PCDHGA8: variants seen among roughly 807,000 people sequenced by gnomAD.
PCDHGA8 encodes the protein protocadherin gamma-A8.
In PCDHGA8, 45 loss-of-function variants were observed where a neutral mutation model predicts 59.2. That is an observed-to-expected ratio of 0.76 (90% CI 0.60 to 0.98). The LOEUF (loss-of-function observed/expected upper bound fraction) is 0.98. Among genes scored for constraint, PCDHGA8 ranks in the 50% least tolerant of loss-of-function variants. The pLI is 0.00. For synonymous variants in PCDHGA8, 531 were observed against 519.0 expected, an observed-to-expected ratio of 1.02 and a Z score of -0.32; for missense variants, 1,257 against 1,196.2, an observed-to-expected ratio of 1.05 and a Z score of -0.75.
intron 1 of PCDHGA8, among the ~76,000 whole-genome samples, chr5:141,434,902 C>T (rs1591355042): frequency 6.6e-6 from 1 of 151,934 alleles, no homozygotes; most frequent in East Asian, 1.9e-4. Flanking sequence ...CCCCTTCCCT[C>T]ATACCTTATT....
intron 1 of PCDHGA8, chr5:141,423,905 G>T: frequency 7.9e-7 from 1 of 1,273,594 alleles, no homozygotes; most frequent in Non-Finnish European, 9.9e-7. Flanking sequence ...GATTTCAAAG[G>T]GGCCATTCAA....
rs756361613 is a variant in PCDHGA8 at position 141,392,855 on chromosome 5, C to G, written c.42C>G (p.Ile14Met). 3.1e-6 allele frequency: 5 copies of G among 1,612,176 alleles called. No individual in the cohort carries two copies. The highest frequency in any genetic ancestry group is 3.3e-4 in the Middle Eastern group (2 of 6,050). Reference sequence around the variant, plus strand: ...GTCGCCCCAGACGCGGCGAGCTGATCCTGCTGTGCGCGCTGCTGGGAACGC... The same window carrying G: ...GTCGCCCCAGACGCGGCGAGCTGATGCTGCTGTGCGCGCTGCTGGGAACGC... ...PQSRPRRGEL[I>M]LLCALLGTLW... is the part of the protein sequence containing the mutation. The change falls in exon 1 of 4, where the codon ATC becomes ATG. Residue 14 changes from isoleucine (I) to methionine (M), a missense_variant. Coordinates refer to ENST00000398604, the MANE Select transcript of PCDHGA8 (RefSeq NM_032088.2).
At chr5:141,469,770 A>G (rs1003620088) in intron 1 of PCDHGA8, among the ~76,000 whole-genome samples, 4 of 152,234 alleles carry the variant, frequency 2.6e-5, no homozygotes, top group Non-Finnish European at 5.9e-5. Flanking sequence ...ATACCAGCTT[A>G]TTTATTACAG....
At chr5:141,422,907 G>A in intron 1 of PCDHGA8, 1 of 1,614,196 alleles carries the variant, frequency 6.2e-7, no homozygotes, top group Non-Finnish European at 8.5e-7. Context: ...ACGACAATGC[G>A]CCCGAGATCC....
chr5:141,414,280 G>C, intron 1 of PCDHGA8: 5 of 1,613,604 alleles, frequency 3.1e-6, no homozygotes, highest in Non-Finnish European at 4.2e-6. Context: ...TCTGGGAACA[G>C]TCGTAGCCCT....
rs549829392 is a variant in PCDHGA8 at position 141,403,606 on chromosome 5, C to T, written c.2424+8369C>T. The T allele has an allele frequency of 3.1e-5, 50 of 1,613,710 alleles. No homozygotes were observed. The East Asian group carries it at 8.5e-4, about 27-fold the overall frequency. Reference sequence around the variant, plus strand: ...TGGTCCTCACGGCCTCGGATGGCGGCGAGCCGCGTCGCTCCAGCACAGTGC... The same window carrying T: ...TGGTCCTCACGGCCTCGGATGGCGGTGAGCCGCGTCGCTCCAGCACAGTGC... On this transcript the variant is annotated intron_variant, in intron 1 of 3. Coordinates refer to ENST00000398604, the MANE Select transcript of PCDHGA8 (RefSeq NM_032088.2).
chr5:141,454,546 A>G (rs1342532359), intron 1 of PCDHGA8, among the ~76,000 whole-genome samples: 1 of 152,098 alleles, frequency 6.6e-6, no homozygotes, highest in African/African-American at 2.4e-5. Flanking sequence ...AGCTGAGATT[A>G]CAGGCATGTG....
At chr5:141,412,216 T>C (rs1247540521) in intron 1 of PCDHGA8, 1 of 152,244 alleles carries the variant, frequency 6.6e-6, no homozygotes, top group East Asian at 1.9e-4. Context: ...ACATAAACAC[T>C]TACTTGTTAA....
Position 141,392,879 on chromosome 5 carries a change from G to T in PCDHGA8, c.66G>T (p.Thr22=). Reference sequence around the variant, plus strand: ...TCCTGCTGTGCGCGCTGCTGGGAACGCTGTGGGAAATCGGGAGGGGACAGA... The same window carrying T: ...TCCTGCTGTGCGCGCTGCTGGGAACTCTGTGGGAAATCGGGAGGGGACAGA... ...ELILLCALLG[T]LWEIGRGQIR... The change falls in exon 1 of 4, where the codon ACG becomes ACT. Residue 22 remains threonine, a synonymous_variant. Coordinates refer to ENST00000398604, the MANE Select transcript of PCDHGA8 (RefSeq NM_032088.2). 1.2e-6 allele frequency: 2 copies of T among 1,613,512 alleles called. No individual in the cohort carries two copies. Among genetic ancestry groups the T allele is most frequent in the East Asian group, 2.2e-5 (1 of 44,862 alleles).
chr5:141,414,990 C>A (rs1442265707), intron 1 of PCDHGA8: 5 of 1,613,794 alleles, frequency 3.1e-6, no homozygotes, highest in Admixed American at 1.7e-5. Context: ...CCGGCCAGAA[C>A]GCCTGGCTGT....
intron 1 of PCDHGA8, chr5:141,419,835 C>T: frequency 1.2e-6 from 2 of 1,614,084 alleles, no homozygotes; most frequent in African/African-American, 1.3e-5. Flanking sequence ...GCCACTGCCA[C>T]GCTGCACCTG....
chr5:141,415,452 C>T, intron 1 of PCDHGA8: 1 of 1,614,240 alleles, frequency 6.2e-7, no homozygotes, highest in South Asian at 1.1e-5. Flanking sequence ...CCTATTCCCA[C>T]GAGGTCTCTC....
intron 1 of PCDHGA8, among the ~76,000 whole-genome samples, chr5:141,438,633 TATACACAC>T (rs1401551511): frequency 0.055 from 1,851 of 33,458 alleles, 10 homozygotes; most frequent in African/African-American, 0.082. Flanking sequence ...TATATATATA[TATACACAC>T]ACACACACAC....
At chr5:141,422,847 C>T (rs1271794821) in intron 1 of PCDHGA8, 2 of 1,614,116 alleles carry the variant, frequency 1.2e-6, no homozygotes, top group Non-Finnish European at 1.7e-6. Context: ...ACAGCGGGGA[C>T]CCGCCCCTCA....
chr5:141,447,226 G>A (rs746777844), intron 1 of PCDHGA8, among the ~76,000 whole-genome samples: 1 of 151,910 alleles, frequency 6.6e-6, no homozygotes, highest in Non-Finnish European at 1.5e-5. Context: ...TGCAACCTCC[G>A]CCTCCCGGGT....
At position 141,393,064 on chromosome 5, in the gene PCDHGA8, T is replaced by C; in HGVS notation, c.251T>C (p.Leu84Ser). The C allele has an allele frequency of 6.2e-7, 1 of 1,613,630 alleles. No individual in the cohort carries two copies. ...GCTCTGAACCCGCGCAGCGGCAGCT[T>C]GATCACCGCGGGCAGGATAGATCGG... is the stretch of plus-strand genomic sequence containing the variant. ...LFALNPRSGSLITAGRIDREE... is the reference protein window; with the variant it reads ...LFALNPRSGSSITAGRIDREE... Residue 84 changes from leucine (L) to serine (S), a missense_variant, in exon 1 of 4, where the codon TTG becomes TCG. Leu to Ser is a moderately radical substitution (Grantham distance 145). Transcript: ENST00000398604.
intron 1 of PCDHGA8, among the ~76,000 whole-genome samples, chr5:141,474,405 GT>G (rs2099348889): frequency 6.6e-6 from 1 of 152,196 alleles, no homozygotes; most frequent in African/African-American, 2.4e-5. Flanking sequence ...AAGCTCCCCG[GT>G]GATGCCTAGA....
At chr5:141,483,700 T>C (rs1003495517) in intron 1 of PCDHGA8, among the ~76,000 whole-genome samples, 4 of 152,090 alleles carry the variant, frequency 2.6e-5, no homozygotes, top group Admixed American at 2.6e-4. Context: ...ATTCCTCTTT[T>C]TGACACCAGA....
At position 141,485,568 on chromosome 5, in the gene PCDHGA8, G is replaced by T. The variant is rs1020556289; in HGVS notation, c.2425-9239G>T. 6.2e-7 allele frequency: 1 copy of T among 1,612,758 alleles called. No homozygotes were observed. Among genetic ancestry groups the T allele is most frequent in the Non-Finnish European group, 8.5e-7 (1 of 1,178,924 alleles). On this transcript the variant is annotated intron_variant, in intron 1 of 3. Coordinates refer to ENST00000398604, the MANE Select transcript of PCDHGA8 (RefSeq NM_032088.2). The surrounding 1 kb of genome is among the most constrained non-coding windows in gnomAD (Gnocchi z 5.7). Reference sequence around the variant, plus strand: ...GTAGATGTGAATGATCACGCCCCCCGTTTTCCGCGGCAGCAGCTGGACTTG... The same window carrying T: ...GTAGATGTGAATGATCACGCCCCCCTTTTTCCGCGGCAGCAGCTGGACTTG...
Sources: gnomAD v4.1 joint callset for allele counts (sites outside exome capture counted in the v4.1 genomes callset) on GRCh38, gnomAD v4.1.1 for gene constraint, Gnocchi (gnomAD v3.1) non-coding constraint, MANE v1.5 for transcripts, NCBI Gene and HGNC (gene_info 2026-07-23, HGNC 2026-07-21) for gene names.